SPANXN4: variants seen among roughly 807,000 people sequenced by gnomAD.
The protein encoded by SPANXN4 is sperm protein associated with the nucleus on the X chromosome N4.
SPANXN4 carries 5 observed loss-of-function variants against 6.0 expected under a neutral mutation model. That is an observed-to-expected ratio of 0.83 (90% CI 0.44 to 1.75). The LOEUF is 1.75. Ranked by LOEUF, SPANXN4 falls within the 40% of genes most tolerant of loss-of-function variation. SPANXN4 has a pLI of 0.02. For synonymous variants in SPANXN4, 45 were observed against 38.0 expected (o/e 1.19, Z -0.68); for missense variants, 157 against 108.6 (o/e 1.45, Z -1.98).
chrX:143,038,492 C>G (rs1158561178), downstream of SPANXN4, among the ~76,000 whole-genome samples: 2 of 111,803 alleles, frequency 1.8e-5, no homozygotes, highest in Non-Finnish European at 3.8e-5. Context: ...ATCCCCATAG[C>G]TAACATTTTA....
chrX:143,033,627 C>T (rs1465054246), intron 1 of SPANXN4, among the ~76,000 whole-genome samples: 1 of 111,344 alleles, frequency 9.0e-6, no homozygotes, highest in African/African-American at 3.3e-5. Flanking sequence ...TGGTTTGACC[C>T]TTTTTCCTGT....
intron 1 of SPANXN4, among the ~76,000 whole-genome samples, chrX:143,028,099 A>G (rs1454305098): frequency 9.0e-6 from 1 of 111,252 alleles, no homozygotes; most frequent in Non-Finnish European, 1.9e-5. Context: ...TGAGGGAGAG[A>G]GAGTAATTTG....
downstream of SPANXN4, among the ~76,000 whole-genome samples, chrX:143,035,333 G>GT (rs1036745416): frequency 1.8e-4 from 20 of 109,159 alleles, no homozygotes; most frequent in African/African-American, 4.7e-4. Flanking sequence ...GTCAATACAT[G>GT]TTTTTTTTAT....
chrX:143,030,045 C>T (rs1168019066), intron 1 of SPANXN4, among the ~76,000 whole-genome samples: 1 of 86,612 alleles, frequency 1.2e-5, no homozygotes, highest in Non-Finnish European at 2.2e-5. Flanking sequence ...CTTAAAAGGG[C>T]ATTTTTTAGT....
intron 1 of SPANXN4, among the ~76,000 whole-genome samples, chrX:143,032,429 G>A (rs1419186314): frequency 9.1e-6 from 1 of 109,979 alleles, no homozygotes; most frequent in Non-Finnish European, 1.9e-5. Flanking sequence ...GGGTGGAGGA[G>A]CCAGAGCCAA....
intron 1 of SPANXN4, among the ~76,000 whole-genome samples, chrX:143,030,886 C>T (rs1368056643): frequency 2.7e-5 from 3 of 111,191 alleles, no homozygotes; most frequent in African/African-American, 9.8e-5. Flanking sequence ...GGCTTGAGGG[C>T]CCTGAGGCCA....
chrX:143,034,149 A>T, exon 2 of SPANXN4: 1 of 1,180,900 alleles, frequency 8.5e-7, no homozygotes, highest in Non-Finnish European at 1.1e-6. Flanking sequence ...AATCAACTGG[A>T]GAATAACCAG....
At chrX:143,032,168 G>A (rs1932813967) in intron 1 of SPANXN4, among the ~76,000 whole-genome samples, 1 of 110,584 alleles carries the variant, frequency 9.0e-6, no homozygotes. Context: ...AGATTGAGTG[G>A]CATACAAAAA....
downstream of SPANXN4, among the ~76,000 whole-genome samples, chrX:143,035,884 T>C (rs1932841394): frequency 9.2e-6 from 1 of 108,234 alleles, no homozygotes; most frequent in African/African-American, 3.4e-5. Context: ...TTGTTCATCC[T>C]ACATATCTGG....
rs184243035 is a variant in SPANXN4 at position 143,031,816 on chromosome X, G to A, written c.79-2212G>A. Among the ~76,000 whole-genome samples, 3 of 111,682 alleles carry A rather than the reference G, an allele frequency of 2.7e-5. No homozygotes were observed. In the East Asian group the frequency reaches 8.5e-4, roughly 32 times the overall value. On this transcript the variant is annotated intron_variant, in intron 1 of 2. Transcript: ENST00000370504. ...TTTTTAAGTTTCTTTTGGATGTCGG[G>A]GGCTGACTGGGAGATAAAGTGTAAA... is the stretch of plus-strand genomic sequence containing the variant.
At chrX:143,033,328 T>C (rs1225360629) in intron 1 of SPANXN4, among the ~76,000 whole-genome samples, 1 of 111,570 alleles carries the variant, frequency 9.0e-6, no homozygotes, top group Admixed American at 9.5e-5. Flanking sequence ...GCTTGCTGCC[T>C]TCCAGGATGC....
downstream of SPANXN4, among the ~76,000 whole-genome samples, chrX:143,037,893 C>G (rs1932851319): frequency 9.0e-6 from 1 of 111,178 alleles, no homozygotes; most frequent in African/African-American, 3.3e-5. Flanking sequence ...TCTAAGTTTC[C>G]TTGAGGCCTG....
downstream of SPANXN4, among the ~76,000 whole-genome samples, chrX:143,037,088 T>C (rs942368405): frequency 8.9e-6 from 1 of 111,786 alleles, no homozygotes; most frequent in African/African-American, 3.3e-5. Context: ...ATATAGTCAA[T>C]GATAATTTTA....
intron 1 of SPANXN4, among the ~76,000 whole-genome samples, chrX:143,033,093 G>A (rs1932820572): frequency 8.9e-6 from 1 of 111,788 alleles, no homozygotes; most frequent in Non-Finnish European, 1.9e-5. Context: ...GGAGGAAAAG[G>A]GAGATTCACC....
intron 1 of SPANXN4, among the ~76,000 whole-genome samples, chrX:143,031,191 G>A (rs1196085364): frequency 9.0e-6 from 1 of 110,906 alleles, no homozygotes; most frequent in African/African-American, 3.3e-5. Context: ...AAGGAGTGGT[G>A]AAGGAGGGTG....
downstream of SPANXN4, chrX:143,034,839 G>T: frequency 1.2e-6 from 1 of 851,368 alleles, no homozygotes; most frequent in Non-Finnish European, 1.5e-6. Flanking sequence ...CACCTACCAA[G>T]TGTGGGGCAC....
At chrX:143,032,715 G>C (rs1490868163) in intron 1 of SPANXN4, among the ~76,000 whole-genome samples, 1 of 111,612 alleles carries the variant, frequency 9.0e-6, no homozygotes, top group Non-Finnish European at 1.9e-5. Flanking sequence ...TTGTTTGGAG[G>C]AGGGGAGTGC....
downstream of SPANXN4, among the ~76,000 whole-genome samples, chrX:143,035,667 A>G (rs2124372511): frequency 9.0e-6 from 1 of 110,529 alleles, no homozygotes; most frequent in South Asian, 3.8e-4. Flanking sequence ...ATTTTAAAGA[A>G]ATTTTATTTT....
chrX:143,032,208 A>G (rs1932814105), intron 1 of SPANXN4, among the ~76,000 whole-genome samples: 1 of 60,162 alleles, frequency 1.7e-5, no homozygotes, highest in South Asian at 1.6e-3. Flanking sequence ...GGATCCTTGG[A>G]TAAAGGAGCC....
Sources: allele counts gnomAD v4.1 joint callset (sites outside exome capture counted in the v4.1 genomes callset), GRCh38; gene constraint gnomAD v4.1.1; transcripts MANE v1.5; gene names NCBI Gene and HGNC (gene_info 2026-07-23, HGNC 2026-07-21).